MTA3: variants seen among roughly 807,000 people sequenced by gnomAD.
MTA3 encodes the protein metastasis associated 1 family member 3.
MTA3 carries 34 observed loss-of-function variants against 83.5 expected under a neutral mutation model. The ratio of observed to expected loss-of-function variants is 0.41; its 90% CI spans 0.31 to 0.54. The LOEUF (loss-of-function observed/expected upper bound fraction) is 0.54. Ranked by LOEUF, MTA3 falls within the 20% of genes least tolerant of loss-of-function variation. MTA3 has a pLI of 0.33. For synonymous variants in MTA3, 303 were observed against 252.7 expected (o/e 1.20, Z -1.89); for missense variants, 761 against 726.4 (o/e 1.05, Z -0.55).
In MTA3 at chr2:42,586,534, A is replaced by C. The variant is rs13034139; in HGVS notation, c.190+7334A>C. On this transcript the variant is annotated intron_variant, in intron 3 of 16. Transcript: ENST00000405094. Reference sequence around the variant, plus strand: ...CACACAAACACACAAAGGAAGGAAAAACACACACACACAAGGAAGGAAAAC... The same window carrying C: ...CACACAAACACACAAAGGAAGGAAACACACACACACACAAGGAAGGAAAAC... Among the ~76,000 whole-genome samples the C allele has an allele frequency of 5.6e-3, 741 of 131,342 alleles. 13 individuals carry two copies. The highest frequency in any genetic ancestry group is 8.8e-3 in the Non-Finnish European group (545 of 61,776). The allele number at this position is 131,342 out of a possible 152,430, so 86.2% of individuals were successfully genotyped here.
chr2:42,754,986 C>G lies in MTA3; in HGVS notation c.*1587C>G. 1 of 985,520 alleles carries G rather than the reference C, an allele frequency of 1.0e-6. No homozygotes were observed. The highest frequency in any genetic ancestry group is 1.2e-6 in the Non-Finnish European group (1 of 830,062). The allele number at this position is 985,520 out of a possible 1,614,324, so 61.0% of individuals were successfully genotyped here. On this transcript the variant is annotated 3_prime_UTR_variant, in exon 17 of 17. Coordinates refer to ENST00000405094, the MANE Select transcript of MTA3 (RefSeq NM_001330442.2). ...TGGGATGTCTCCACCACCACCCACT[C>G]TTGGAGCTGTGCTGGGTCTTGGCTT... is the stretch of plus-strand genomic sequence containing the variant.
At chr2:42,663,262 C>A (rs1357102258) in intron 8 of MTA3, among the ~76,000 whole-genome samples, 2 of 152,062 alleles carry the variant, frequency 1.3e-5, no homozygotes, top group Non-Finnish European at 2.9e-5. Context: ...GGCTGACTTG[C>A]CTGAGGTAGA....
intron 14 of MTA3, chr2:42,709,349 G>A (rs1256250286): frequency 3.9e-6 from 5 of 1,272,190 alleles, no homozygotes; most frequent in African/African-American, 1.5e-5. Flanking sequence ...AAAGATTGGT[G>A]GGAGGTGATC....
rs998028364 is a variant in MTA3 at position 42,513,944 on chromosome 2, T to A, written c.-141+18690T>A. 2.0e-5 allele frequency among the ~76,000 whole-genome samples: 3 copies of A among 152,170 alleles called. No homozygotes were observed. In the East Asian group the frequency reaches 5.8e-4, roughly 29 times the overall value. ...AATCCCAAGTCTAGGCCAGGCACGGTGGCTCATGCCTGTAATCCTAGCACT... is the reference window on the plus strand; with the variant it reads ...AATCCCAAGTCTAGGCCAGGCACGGAGGCTCATGCCTGTAATCCTAGCACT... On this transcript the variant is annotated intron_variant, in intron 2 of 17. Coordinates refer to the MTA3 transcript ENST00000405592.
rs374541928 is a variant in MTA3, at chr2:42,549,909, G to A, written c.-140-20528G>A. Among the ~76,000 whole-genome samples the A allele has an allele frequency of 7.3e-5, 11 of 151,192 alleles. No homozygotes were observed. The South Asian group carries it at 1.0e-3, about 14-fold the overall frequency. Reference sequence around the variant, plus strand: ...TCCTCCCTTCCTCCAGTGTATCCAGGCTGTACCTGCTCATTAGTCACTTAG... The same window carrying A: ...TCCTCCCTTCCTCCAGTGTATCCAGACTGTACCTGCTCATTAGTCACTTAG... On this transcript the variant is annotated intron_variant, in intron 2 of 17. Coordinates refer to the MTA3 transcript ENST00000405592.
At position 42,652,188 on chromosome 2, in the gene MTA3, C is replaced by T. The variant is rs558191648; in HGVS notation, c.500-4012C>T. 5.3e-5 allele frequency among the ~76,000 whole-genome samples: 8 copies of T among 152,238 alleles called. 1 individual carries two copies. In the South Asian group the frequency reaches 1.2e-3, roughly 24 times the overall value. ...CTGCCTTGTTACGTGGATGAACCTT[C>T]GAGGTAATCTCCAAGCTGCCTTCAG... On this transcript the variant is annotated intron_variant, in intron 6 of 16. Coordinates refer to ENST00000405094, the MANE Select transcript of MTA3 (RefSeq NM_001330442.2).
chr2:42,692,988 A>G (rs896276980), intron 9 of MTA3, among the ~76,000 whole-genome samples: 1 of 152,202 alleles, frequency 6.6e-6, no homozygotes, highest in African/African-American at 2.4e-5. Context: ...TGCAGACTCA[A>G]AGTACTCCCT....
intron 3 of MTA3, among the ~76,000 whole-genome samples, chr2:42,604,571 TTTC>T (rs201176691): frequency 0.011 from 739 of 68,202 alleles, 15 homozygotes; most frequent in African/African-American, 0.058. Flanking sequence ...GAATGTTTCT[TTTC>T]TTTTTTTTTT....
intron 15 of MTA3, 110 bp downstream of exon 15, chr2:42,719,184 C>T (rs755841656): frequency 3.9e-5 from 29 of 744,214 alleles, no homozygotes; most frequent in African/African-American, 1.2e-4. Context: ...TTCAAATAGC[C>T]GAAATTGGAT....
chr2:42,499,618 CG>C (rs1674304392), intron 2 of MTA3, among the ~76,000 whole-genome samples: 1 of 150,566 alleles, frequency 6.6e-6, no homozygotes, highest in East Asian at 2.0e-4. Flanking sequence ...GGAGAAACCC[CG>C]TCTCTACTAA....
intron 12 of MTA3, among the ~76,000 whole-genome samples, chr2:42,706,894 T>C (rs1666138688): frequency 6.6e-6 from 1 of 152,208 alleles, no homozygotes; most frequent in African/African-American, 2.4e-5. Context: ...ATAAGGATTT[T>C]ACTTATTGAT....
At chr2:42,670,660 A>C (rs954245295) in intron 8 of MTA3, among the ~76,000 whole-genome samples, 2 of 152,048 alleles carry the variant, frequency 1.3e-5, no homozygotes, top group African/African-American at 4.8e-5. Context: ...GGCACTAAGC[A>C]CAAGTGACTG....
intron 2 of MTA3, among the ~76,000 whole-genome samples, chr2:42,556,579 C>T (rs151174288): frequency 7.2e-5 from 11 of 152,282 alleles, no homozygotes; most frequent in African/African-American, 2.4e-4. Context: ...TCACTCCCTC[C>T]CTCAAGTCTC....
chr2:42,525,635 T>C (rs573803143), intron 2 of MTA3, among the ~76,000 whole-genome samples: 6,678 of 105,160 alleles, frequency 0.064, 213 homozygotes, highest in Middle Eastern at 0.11. Flanking sequence ...ACTTTCTTTC[T>C]TTCTTTCTTT....
intron 8 of MTA3, among the ~76,000 whole-genome samples, chr2:42,663,575 A>G (rs1246694419): frequency 6.6e-6 from 1 of 152,214 alleles, no homozygotes; most frequent in African/African-American, 2.4e-5. Flanking sequence ...GGCCTAGGCA[A>G]CATAACAAGA....
At chr2:42,518,270 A>G (rs781035771) in intron 2 of MTA3, among the ~76,000 whole-genome samples, 13 of 152,222 alleles carry the variant, frequency 8.5e-5, no homozygotes, top group Non-Finnish European at 1.3e-4. Context: ...AATAAAAGGA[A>G]CTAGGGCTCC....
chr2:42,639,508 C>G (rs1048488596), intron 4 of MTA3, among the ~76,000 whole-genome samples: 1 of 152,052 alleles, frequency 6.6e-6, no homozygotes, highest in Non-Finnish European at 1.5e-5. Context: ...AGAGTCTAGA[C>G]AAGCCTTATA....
chr2:42,496,345 A>T (rs904382831), intron 2 of MTA3, among the ~76,000 whole-genome samples: 1 of 152,108 alleles, frequency 6.6e-6, no homozygotes, highest in African/African-American at 2.4e-5. Flanking sequence ...CAATACCCAA[A>T]TCGTTTTCTT....
At chr2:42,665,330 T>A (rs776437817) in intron 8 of MTA3, among the ~76,000 whole-genome samples, 1 of 152,154 alleles carries the variant, frequency 6.6e-6, no homozygotes, top group Non-Finnish European at 1.5e-5. Context: ...AGGTGGAGGT[T>A]GCAGTGATCC....
Sources: gnomAD v4.1 joint callset for allele counts (sites outside exome capture counted in the v4.1 genomes callset) on GRCh38, gnomAD v4.1.1 for gene constraint, MANE v1.5 for transcripts, NCBI Gene and HGNC (gene_info 2026-07-23, HGNC 2026-07-21) for gene names.